SUSD5: variants seen among roughly 807,000 people sequenced by gnomAD.
SUSD5 encodes sushi domain containing 5.
Under a neutral mutation model 29.5 loss-of-function variants are expected in SUSD5, and 33 were observed. The observed-to-expected ratio is 1.12, with a 90% CI of 0.85 to 1.49. The LOEUF (loss-of-function observed/expected upper bound fraction) is 1.49, where lower values mean the gene tolerates loss of function less well. SUSD5 is among the 40% of genes most tolerant of loss of function. The probability of loss-of-function intolerance (pLI) is 0.00; values close to 1 mark genes in which losing one functional copy is unlikely to be tolerated. For synonymous variants in SUSD5, 308 were observed against 325.3 expected, an observed-to-expected ratio of 0.95 and a Z score of 0.57; for missense variants, 776 against 800.6, an observed-to-expected ratio of 0.97 and a Z score of 0.37.
At chr3:33,191,333 T>C (rs1232105697) in intron 3 of SUSD5, among the ~76,000 whole-genome samples, 1 of 152,066 alleles carries the variant, frequency 6.6e-6, no homozygotes, top group African/African-American at 2.4e-5. Context: ...GGTTTCACCG[T>C]GTTAGCCAGG....
chr3:33,183,597 G>A (rs539480266), intron 3 of SUSD5, among the ~76,000 whole-genome samples: 1 of 152,164 alleles, frequency 6.6e-6, no homozygotes, highest in East Asian at 1.9e-4. Context: ...CTATTGAATT[G>A]CTGCTATTAT....
chr3:33,196,097 C>CT (rs2031990623), intron 3 of SUSD5, among the ~76,000 whole-genome samples: 1 of 152,098 alleles, frequency 6.6e-6, no homozygotes, highest in Admixed American at 6.5e-5. Context: ...TGGTTGGAGA[C>CT]TGATGGTCTT....
chr3:33,214,703 G>T (rs1429438455), intron 1 of SUSD5, among the ~76,000 whole-genome samples: 5 of 152,132 alleles, frequency 3.3e-5, no homozygotes, highest in African/African-American at 4.8e-5. Context: ...CATGTAGTGG[G>T]CCTCAAAGAA....
At position 33,153,950 on chromosome 3, in the gene SUSD5, G is replaced by T. The variant is rs368821108; in HGVS notation, c.682C>A (p.Arg228=). Residue 228 remains arginine, a synonymous_variant, in exon 5 of 5, where the codon CGG becomes AGG. Transcript: ENST00000309558. ...VSFRELMEDS[R]TEADEDRGQG... is the part of the protein sequence containing the mutation. ...CCCCTGTCCTCATCTGCCTCTGTCCGGGAATCCTCCATGAGCTCTCTGAAT... is the reference window on the plus strand; with the variant it reads ...CCCCTGTCCTCATCTGCCTCTGTCCTGGAATCCTCCATGAGCTCTCTGAAT... 1 of 1,613,948 alleles carries T rather than the reference G, an allele frequency of 6.2e-7. No homozygotes were observed. Among genetic ancestry groups the T allele is most frequent in the Non-Finnish European group, 8.5e-7 (1 of 1,179,870 alleles).
At chr3:33,187,487 T>C (rs1291460755) in intron 3 of SUSD5, among the ~76,000 whole-genome samples, 1 of 152,156 alleles carries the variant, frequency 6.6e-6, no homozygotes, top group Non-Finnish European at 1.5e-5. Context: ...CACAACCAAG[T>C]GCGTGCCAAA....
intron 3 of SUSD5, among the ~76,000 whole-genome samples, chr3:33,196,530 G>T (rs150294707): frequency 0.015 from 2,306 of 152,176 alleles, 55 homozygotes; most frequent in African/African-American, 0.052. Flanking sequence ...GATCTGTCAG[G>T]ATATCTTTGT....
intron 4 of SUSD5, 40 bp downstream of exon 4, chr3:33,174,846 G>A (rs1228171285): frequency 6.2e-7 from 1 of 1,607,504 alleles, no homozygotes; most frequent in Admixed American, 1.7e-5. Context: ...AGCCAGCACT[G>A]CGTGGGCACG....
At position 33,152,109 on chromosome 3, in the gene SUSD5, C is replaced by G. The variant is rs1009642166; in HGVS notation, c.*633G>C. 1 of 152,186 alleles carries G rather than the reference C, an allele frequency of 6.6e-6. No individual in the cohort carries two copies. Among genetic ancestry groups the G allele is most frequent in the African/African-American group, 2.4e-5 (1 of 41,434 alleles). 9.4% of individuals were successfully genotyped at this position (152,186 alleles called of 1,614,324 possible). A position where few individuals can be genotyped will look rare whatever the true frequency, so the allele number is the denominator to read the frequency against. ...ATTTATAAAATTTCAGGGCATGAAGCTGGTGATTTTCTTTCTTCAAAAAGG... is the reference window on the plus strand; with the variant it reads ...ATTTATAAAATTTCAGGGCATGAAGGTGGTGATTTTCTTTCTTCAAAAAGG... On this transcript the variant is annotated 3_prime_UTR_variant, in exon 5 of 5. Transcript: ENST00000309558.
chr3:33,199,630 TA>T (rs2032071996), intron 3 of SUSD5, among the ~76,000 whole-genome samples: 1 of 152,234 alleles, frequency 6.6e-6, no homozygotes, highest in Non-Finnish European at 1.5e-5. Flanking sequence ...GAGACCTGCA[TA>T]ATATGTCTTA....
At chr3:33,175,549 C>T (rs941173946) in intron 3 of SUSD5, among the ~76,000 whole-genome samples, 1 of 148,412 alleles carries the variant, frequency 6.7e-6, no homozygotes, top group African/African-American at 2.5e-5. Context: ...ACAAAAATTA[C>T]ACACACACAC....
At chr3:33,168,055 CAG>C (rs1401432694) in intron 4 of SUSD5, among the ~76,000 whole-genome samples, 6 of 152,196 alleles carry the variant, frequency 3.9e-5, no homozygotes, top group African/African-American at 1.4e-4. Flanking sequence ...CAGAAGAGCA[CAG>C]AAAGTCATAC....
Position 33,150,676 on chromosome 3 carries a change from G to A in SUSD5, c.*2066C>T, listed in dbSNP as rs768133922. ...CAGGCTTTATTTTACCCAACTATGG[G>A]GAATAAGATCTTTGATTATGCTGCC... On this transcript the variant is annotated 3_prime_UTR_variant, in exon 5 of 5. Transcript: ENST00000309558. 2.6e-5 allele frequency: 4 copies of A among 152,150 alleles called. No homozygotes were observed. Among genetic ancestry groups the A allele is most frequent in the Non-Finnish European group, 4.4e-5 (3 of 68,036 alleles). The allele number at this position is 152,150 out of a possible 1,614,324, so 9.4% of individuals were successfully genotyped here.
chr3:33,160,438 C>A (rs2031160511), intron 4 of SUSD5, among the ~76,000 whole-genome samples: 1 of 151,788 alleles, frequency 6.6e-6, no homozygotes, highest in Non-Finnish European at 1.5e-5. Flanking sequence ...ACCTGTAGTC[C>A]TAGCTACTCG....
At chr3:33,160,429 C>A (rs1040783841) in intron 4 of SUSD5, among the ~76,000 whole-genome samples, 4 of 151,798 alleles carry the variant, frequency 2.6e-5, no homozygotes, top group African/African-American at 9.7e-5. Context: ...GTGGCACACA[C>A]CTGTAGTCCT....
chr3:33,172,687 A>G (rs2031461934), intron 4 of SUSD5, among the ~76,000 whole-genome samples: 1 of 152,272 alleles, frequency 6.6e-6, no homozygotes, highest in Non-Finnish European at 1.5e-5. Flanking sequence ...CACTTGTCCC[A>G]GTCTGTAACT....
intron 2 of SUSD5, among the ~76,000 whole-genome samples, chr3:33,210,443 T>A (rs1293687113): frequency 6.6e-6 from 1 of 152,258 alleles, no homozygotes; most frequent in African/African-American, 2.4e-5. Context: ...AAAACTGCTA[T>A]TCAGCTTTTT....
intron 4 of SUSD5, among the ~76,000 whole-genome samples, chr3:33,165,313 C>T (rs928730702): frequency 1.3e-5 from 2 of 151,864 alleles, no homozygotes; most frequent in African/African-American, 4.8e-5. Context: ...GTGAGGTGGG[C>T]GAATGTAATT....
At chr3:33,159,559 C>T (rs960275927) in intron 4 of SUSD5, among the ~76,000 whole-genome samples, 1 of 152,136 alleles carries the variant, frequency 6.6e-6, no homozygotes, top group Admixed American at 6.6e-5. Context: ...AGAATATGTA[C>T]TGGGGATACA....
At chr3:33,199,228 A>ACG (rs1486307666) in intron 3 of SUSD5, among the ~76,000 whole-genome samples, 1 of 151,410 alleles carries the variant, frequency 6.6e-6, no homozygotes. Flanking sequence ...ACACACACAC[A>ACG]CACACACACA....
Sources: gnomAD v4.1 joint callset for allele counts (sites outside exome capture counted in the v4.1 genomes callset) on GRCh38, gnomAD v4.1.1 for gene constraint, MANE v1.5 for transcripts, NCBI Gene and HGNC (gene_info 2026-07-23, HGNC 2026-07-21) for gene names.